The following PABPC4L variants were observed in gnomAD, a reference collection of about 807,000 sequenced individuals.
PABPC4L encodes poly(A) binding protein cytoplasmic 4 like.
For missense variants in PABPC4L, 452 were observed against 451.4 expected, an observed-to-expected ratio of 1.00 and a Z score of -0.01; for synonymous variants, 169 against 164.1, an observed-to-expected ratio of 1.03 and a Z score of -0.23.
the PABPC4L span, among the ~76,000 whole-genome samples, chr4:134,145,997 T>A: frequency 6.6e-6 from 1 of 152,030 alleles, no homozygotes; most frequent in Non-Finnish European, 1.5e-5. Flanking sequence ...CATCCAGTTA[T>A]GGACAAGTCA....
At chr4:134,118,895 G>T in the PABPC4L span, among the ~76,000 whole-genome samples, 1 of 151,796 alleles carries the variant, frequency 6.6e-6, no homozygotes, top group Non-Finnish European at 1.5e-5. Flanking sequence ...AATGGTTAAA[G>T]GAAATTTTAT....
chr4:134,200,195 T>C lies in PABPC4L; in HGVS notation c.825A>G (p.Leu275=), dbSNP rs1371404702. The change falls in exon 2 of 2, where the codon TTA becomes TTG. Residue 275 remains leucine, a synonymous_variant. Transcript: ENST00000421491. ...TTTTCAGCTGCTCAAACATTTGCTTTAACTCAGCCTGTCGCTCGACTTTCT... is the reference window on the plus strand; with the variant it reads ...TTTTCAGCTGCTCAAACATTTGCTTCAACTCAGCCTGTCGCTCGACTTTCT... ...AQKKVERQAE[L]KQMFEQLKRE... is the part of the protein sequence containing the mutation. 1 of 1,551,658 alleles carries C rather than the reference T, an allele frequency of 6.4e-7. No individual in the cohort carries two copies. Among genetic ancestry groups the C allele is most frequent in the Non-Finnish European group, 8.7e-7 (1 of 1,146,964 alleles).
the PABPC4L span, among the ~76,000 whole-genome samples, chr4:134,154,879 T>C: frequency 1.3e-5 from 2 of 152,106 alleles, no homozygotes; most frequent in Non-Finnish European, 2.9e-5. Flanking sequence ...GAAAAAGAAG[T>C]TGGTAGATTA....
At chr4:134,050,149 C>A in the PABPC4L span, among the ~76,000 whole-genome samples, 1 of 151,950 alleles carries the variant, frequency 6.6e-6, no homozygotes, top group Non-Finnish European at 1.5e-5. Context: ...AATAACATTA[C>A]ATTAAAAAAT....
At chr4:134,150,186 G>A in the PABPC4L span, among the ~76,000 whole-genome samples, 4 of 151,020 alleles carry the variant, frequency 2.6e-5, no homozygotes, top group South Asian at 6.3e-4. Flanking sequence ...GGGTTCAAGC[G>A]ATTCTCCCTG....
the PABPC4L span, among the ~76,000 whole-genome samples, chr4:134,033,712 A>G: frequency 5.9e-5 from 9 of 151,960 alleles, no homozygotes; most frequent in East Asian, 5.8e-4. Flanking sequence ...CAAAGCCCTA[A>G]TGCTCTTCAA....
At chr4:134,030,134 T>C in the PABPC4L span, among the ~76,000 whole-genome samples, 2 of 152,134 alleles carry the variant, frequency 1.3e-5, no homozygotes, top group East Asian at 3.9e-4. Context: ...GTCTTGGATA[T>C]GGCCTTAAGG....
chr4:133,955,466 A>T, the PABPC4L span, among the ~76,000 whole-genome samples: 3 of 152,132 alleles, frequency 2.0e-5, no homozygotes. Flanking sequence ...CTGAATTTTT[A>T]TTACAATTAT....
downstream of PABPC4L, among the ~76,000 whole-genome samples, chr4:134,191,524 A>G (rs1729512131): frequency 6.6e-6 from 1 of 152,146 alleles, no homozygotes; most frequent in African/African-American, 2.4e-5. Context: ...TGATATTATA[A>G]ATTAATATCA....
the PABPC4L span, among the ~76,000 whole-genome samples, chr4:134,085,482 G>A: frequency 1.3e-5 from 2 of 151,866 alleles, no homozygotes; most frequent in Non-Finnish European, 2.9e-5. Context: ...AATCCTAAGT[G>A]CACATCTTGC....
chr4:134,078,682 A>C, the PABPC4L span, among the ~76,000 whole-genome samples: 2 of 133,478 alleles, frequency 1.5e-5, no homozygotes, highest in Admixed American at 8.1e-5. Flanking sequence ...ACGGAGTTTC[A>C]CTCTTGTTGC....
the PABPC4L span, among the ~76,000 whole-genome samples, chr4:134,148,593 A>T: frequency 3.9e-5 from 6 of 152,104 alleles, no homozygotes; most frequent in African/African-American, 1.4e-4. Context: ...TTTGGTTACC[A>T]ATTGCTTTGT....
the PABPC4L span, among the ~76,000 whole-genome samples, chr4:134,073,964 C>T: frequency 6.6e-6 from 1 of 152,160 alleles, no homozygotes; most frequent in African/African-American, 2.4e-5. Flanking sequence ...CCCAGGCCTC[C>T]AGGCCTGATG....
Position 134,200,571 on chromosome 4 carries a change from G to A in PABPC4L, c.449C>T (p.Ala150Val). Residue 150 changes from alanine (A) to valine (V), a missense_variant, in exon 2 of 2, where the codon GCA (alanine) becomes GTA (valine). Physicochemically the swap from Ala to Val is moderately conservative, Grantham distance 64. Transcript: ENST00000421491. Reference sequence around the variant, plus strand: ...ATTCATCTCCTCAATGGCCCTGTCTGCAGCACTCTGGTTCTGAAAGTGCAC... The same window carrying A: ...ATTCATCTCCTCAATGGCCCTGTCTACAGCACTCTGGTTCTGAAAGTGCAC... ...AFVHFQNQSA[A>V]DRAIEEMNGK... is the part of the protein sequence containing the mutation. The A allele has an allele frequency of 6.4e-7, 1 of 1,551,622 alleles. No homozygotes were observed. The highest frequency in any genetic ancestry group is 1.2e-5 in the South Asian group (1 of 84,064).
chr4:134,059,432 A>G, the PABPC4L span, among the ~76,000 whole-genome samples: 1 of 150,388 alleles, frequency 6.6e-6, no homozygotes, highest in African/African-American at 2.4e-5. Context: ...TAGTGTGTAT[A>G]TATGTATATA....
At position 134,200,593 on chromosome 4, in the gene PABPC4L, G is replaced by A. The variant is rs979038993; in HGVS notation, c.427C>T (p.His143Tyr). 1.3e-6 allele frequency: 2 copies of A among 1,551,646 alleles called. No homozygotes were observed. Among genetic ancestry groups the A allele is most frequent in the Non-Finnish European group, 1.7e-6 (2 of 1,146,976 alleles). Residue 143 changes from histidine to tyrosine, a missense_variant, in exon 2 of 2, where the codon CAC becomes TAC. Transcript: ENST00000421491. The stretch of plus-strand genomic sequence containing the variant: ...TCTGCAGCACTCTGGTTCTGAAAGT[G>A]CACAAATGCATAGCCCTTGGAGCCT... ...DQGSKGYAFVHFQNQSAADRA... is the reference protein window; with the variant it reads ...DQGSKGYAFVYFQNQSAADRA...
chr4:134,164,721 T>C, the PABPC4L span, among the ~76,000 whole-genome samples: 1 of 152,070 alleles, frequency 6.6e-6, no homozygotes, highest in Non-Finnish European at 1.5e-5. Context: ...ACAGATTCAA[T>C]GCGATTTCTA....
the PABPC4L span, among the ~76,000 whole-genome samples, chr4:134,021,004 C>T: frequency 4.6e-5 from 7 of 152,132 alleles, no homozygotes; most frequent in East Asian, 1.2e-3. Context: ...AAGTGAAAAG[C>T]TTGTTCTTCT....
the PABPC4L span, among the ~76,000 whole-genome samples, chr4:134,044,562 C>A: frequency 6.6e-6 from 1 of 152,142 alleles, no homozygotes; most frequent in Non-Finnish European, 1.5e-5. Context: ...CCAGGCCCGG[C>A]CATTTTACTT....
Sources: allele counts gnomAD v4.1 joint callset (sites outside exome capture counted in the v4.1 genomes callset), GRCh38; gene constraint gnomAD v4.1.1; transcripts MANE v1.5; gene names NCBI Gene and HGNC (gene_info 2026-07-23, HGNC 2026-07-21).